Variants in ANXA3 observed in about 807,000 individuals in gnomAD.
The protein encoded by ANXA3 is 35-alpha calcimedin.
Under a neutral mutation model 48.8 loss-of-function variants are expected in ANXA3, and 46 were observed. The observed-to-expected ratio is 0.94, with a 90% CI of 0.74 to 1.21. The LOEUF (loss-of-function observed/expected upper bound fraction) is 1.21, where lower values mean the gene tolerates loss of function less well. Among genes scored for constraint, ANXA3 ranks in the 50% most tolerant of loss-of-function variants. ANXA3 has a pLI of 0.00. For synonymous variants in ANXA3, 128 were observed against 134.7 expected (o/e 0.95, Z 0.35); for missense variants, 383 against 378.6 (o/e 1.01, Z -0.10).
intron 10 of ANXA3, among the ~76,000 whole-genome samples, 188 bp downstream of exon 10, chr4:78,597,602 T>C (rs1442687780): frequency 1.3e-5 from 2 of 152,126 alleles, no homozygotes; most frequent in Non-Finnish European, 2.9e-5. Context: ...AGAAGTTATT[T>C]TTTTAAGTCT....
intron 12 of ANXA3, among the ~76,000 whole-genome samples, chr4:78,605,638 A>G (rs1009198465): frequency 6.6e-6 from 1 of 152,164 alleles, no homozygotes; most frequent in Non-Finnish European, 1.5e-5. Context: ...TTAGTTTTTA[A>G]AAAATCTGGT....
At chr4:78,599,951 A>C (rs1462834489) in intron 10 of ANXA3, among the ~76,000 whole-genome samples, 1 of 151,908 alleles carries the variant, frequency 6.6e-6, no homozygotes, top group Non-Finnish European at 1.5e-5. Context: ...AATGTGCAAA[A>C]GTTTCAAAAT....
At chr4:78,565,906 A>C (rs6533780) in intron 2 of ANXA3, among the ~76,000 whole-genome samples, 111,117 of 152,092 alleles carry the variant, frequency 0.73, 41,419 homozygotes, top group East Asian at 0.88. Context: ...TTGAATATAC[A>C]AGACCAGTGC....
chr4:78,570,169 G>T (rs989836193), intron 2 of ANXA3, among the ~76,000 whole-genome samples: 1 of 152,122 alleles, frequency 6.6e-6, no homozygotes, highest in Non-Finnish European at 1.5e-5. Flanking sequence ...TCAAGTTGGG[G>T]TGTGTGTGTG....
At chr4:78,566,190 A>G (rs1465545294) in intron 2 of ANXA3, among the ~76,000 whole-genome samples, 2 of 152,100 alleles carry the variant, frequency 1.3e-5, no homozygotes, top group Non-Finnish European at 2.9e-5. Flanking sequence ...ATTATAACTC[A>G]TGTGTCATGG....
At chr4:78,578,331 AAGGG>A (rs1216928186) in intron 3 of ANXA3, among the ~76,000 whole-genome samples, 7 of 41,422 alleles carry the variant, frequency 1.7e-4, no homozygotes, top group South Asian at 2.2e-3. Flanking sequence ...GAGAGAGAGA[AAGGG>A]AGGGAGGGAG....
In ANXA3 at chr4:78,575,400, G is replaced by C. The variant is rs551496088; in HGVS notation, c.103+2133G>C. 2.0e-5 allele frequency among the ~76,000 whole-genome samples: 3 copies of C among 152,166 alleles called. No homozygotes were observed. The East Asian group carries it at 5.8e-4, about 29-fold the overall frequency. On this transcript the variant is annotated intron_variant, in intron 3 of 12. Transcript: ENST00000264908. Reference sequence around the variant, plus strand: ...CCATAATTCCCACGTGTTGTGGGAGGGACCTGGTGGGAGATGACTGAATCA... The same window carrying C: ...CCATAATTCCCACGTGTTGTGGGAGCGACCTGGTGGGAGATGACTGAATCA...
chr4:78,604,533 G>A (rs1300642167), intron 12 of ANXA3, 134 bp downstream of exon 12: 17 of 714,008 alleles, frequency 2.4e-5, no homozygotes, highest in Non-Finnish European at 2.1e-6. Context: ...TGTGTTGTCT[G>A]AGCTTAAAAT....
chr4:78,573,194 AACAG>A lies in ANXA3; in HGVS notation c.31_34del (p.Thr11Ter). 1 of 1,613,128 alleles carries A rather than the reference AACAG, an allele frequency of 6.2e-7. No individual in the cohort carries two copies. Among genetic ancestry groups the A allele is most frequent in the Non-Finnish European group, 8.5e-7 (1 of 1,179,242 alleles). On this transcript the variant is annotated frameshift_variant, in exon 3 of 13. Transcript: ENST00000264908. LOFTEE classifies it high-confidence loss of function. ...TTTCCTTCTAGGTTGGACACCGAGG[AACAG>A]TAAGAGATTATCCAGACTTTAGCCC...
intron 8 of ANXA3, 108 bp downstream of exon 8, chr4:78,595,545 T>C (rs989338651): frequency 2.7e-5 from 34 of 1,266,038 alleles, no homozygotes; most frequent in South Asian, 2.4e-4. Flanking sequence ...CTTTTCTTTT[T>C]TTTTTTTTCC....
chr4:78,555,670 C>A (rs1444139043), intron 2 of ANXA3, among the ~76,000 whole-genome samples: 16 of 146,910 alleles, frequency 1.1e-4, no homozygotes, highest in African/African-American at 4.0e-4. Flanking sequence ...AAGACCCAGT[C>A]TCTTAAAAAA....
At chr4:78,582,686 G>A (rs991619945) in intron 5 of ANXA3, among the ~76,000 whole-genome samples, 1 of 152,046 alleles carries the variant, frequency 6.6e-6, no homozygotes, top group South Asian at 2.1e-4. Flanking sequence ...ATAAATATGT[G>A]CACTTCTCTC....
chr4:78,588,909 A>C (rs1723231588), intron 6 of ANXA3, among the ~76,000 whole-genome samples: 2 of 152,240 alleles, frequency 1.3e-5, no homozygotes, highest in African/African-American at 4.8e-5. Context: ...AAAATATTTC[A>C]GTTCAACAAG....
intron 11 of ANXA3, chr4:78,604,053 T>G: frequency 2.7e-6 from 1 of 375,532 alleles, no homozygotes; most frequent in Non-Finnish European, 4.7e-6. Context: ...AAGCTTAACA[T>G]GGGTATCTCA....
chr4:78,555,684 A>C (rs892677679), intron 2 of ANXA3, among the ~76,000 whole-genome samples: 1 of 151,820 alleles, frequency 6.6e-6, no homozygotes, highest in African/African-American at 2.4e-5. Flanking sequence ...TAAAAAAAAA[A>C]AAAAAAAACT....
intron 3 of ANXA3, among the ~76,000 whole-genome samples, chr4:78,576,018 A>C (rs1179600847): frequency 1.3e-5 from 2 of 151,996 alleles, no homozygotes; most frequent in Non-Finnish European, 2.9e-5. Context: ...CCTATGTTTT[A>C]TGCTTCCCTA....
In ANXA3 at chr4:78,601,427, T is replaced by A. The variant is rs187404936; in HGVS notation, c.731-83T>A. The A allele has an allele frequency of 6.6e-3, 8,701 of 1,322,628 alleles. 38 individuals carry two copies. Among genetic ancestry groups the A allele is most frequent in the Non-Finnish European group, 8.7e-3 (8,038 of 921,300 alleles). The allele number at this position is 1,322,628 out of a possible 1,614,324, so 81.9% of individuals were successfully genotyped here. ...TAGAGTGGTATGACAGTCCAAAGAA[T>A]CTTTTTAAAAAACATATTACTTACT... is the stretch of plus-strand genomic sequence containing the variant. On this transcript the variant is annotated intron_variant, in intron 10 of 12. Transcript: ENST00000264908.
At chr4:78,578,834 T>TC (rs1723014677) in intron 3 of ANXA3, among the ~76,000 whole-genome samples, 193 bp from the exon 4 acceptor site, 1 of 149,876 alleles carries the variant, frequency 6.7e-6, no homozygotes, top group East Asian at 1.9e-4. Context: ...ACTTTTTTTT[T>TC]CCAAAACTCA....
chr4:78,573,769 T>C (rs1722890587), intron 3 of ANXA3, among the ~76,000 whole-genome samples: 1 of 152,196 alleles, frequency 6.6e-6, no homozygotes, highest in African/African-American at 2.4e-5. Flanking sequence ...CTTGAAACTG[T>C]AGTGCCACCC....
Sources: allele counts gnomAD v4.1 joint callset (sites outside exome capture counted in the v4.1 genomes callset), GRCh38; gene constraint gnomAD v4.1.1; transcripts MANE v1.5; gene names NCBI Gene and HGNC (gene_info 2026-07-23, HGNC 2026-07-21).